Variants in ARHGAP24 observed in about 807,000 individuals in gnomAD.
The protein encoded by ARHGAP24 is Rho GTPase activating protein 24.
Under a neutral mutation model 76.4 loss-of-function variants are expected in ARHGAP24, and 50 were observed. That is an observed-to-expected ratio of 0.65 (90% confidence interval 0.52 to 0.83). The LOEUF is 0.83. Ranked by LOEUF, ARHGAP24 falls within the 40% of genes least tolerant of loss-of-function variation. ARHGAP24 has a pLI of 0.00. For missense variants in ARHGAP24, 930 were observed against 914.2 expected (o/e 1.02, Z -0.22); for synonymous variants, 345 against 323.3 (o/e 1.07, Z -0.72).
intron 3 of ARHGAP24, among the ~76,000 whole-genome samples, chr4:85,868,075 A>T (rs1217181635): frequency 6.6e-6 from 1 of 151,946 alleles, no homozygotes; most frequent in Non-Finnish European, 1.5e-5. Context: ...TATACACTTT[A>T]GGGAGACAAA....
At chr4:85,842,206 G>A (rs1007483887) in intron 3 of ARHGAP24, among the ~76,000 whole-genome samples, 8 of 152,190 alleles carry the variant, frequency 5.3e-5, no homozygotes, top group Non-Finnish European at 1.0e-4. Flanking sequence ...GGCTGAATGG[G>A]AAGTAGTAGA....
chr4:85,991,403 A>G (rs1449731122), intron 8 of ARHGAP24: 1 of 152,158 alleles, frequency 6.6e-6, no homozygotes, highest in African/African-American at 2.4e-5. Flanking sequence ...CAAGGCTTGC[A>G]GCCACATGTT....
At chr4:85,591,031 GTTTTTTTTTTTTTTT>G (rs35373441) in intron 2 of ARHGAP24, among the ~76,000 whole-genome samples, 4 of 62,610 alleles carry the variant, frequency 6.4e-5, no homozygotes, top group African/African-American at 1.4e-4. Flanking sequence ...AATCTGCTGG[GTTTTTTTTTTTTTTT>G]TTTTTTTTTT....
At chr4:85,598,784 T>G (rs1719929544) in intron 2 of ARHGAP24, among the ~76,000 whole-genome samples, 1 of 150,714 alleles carries the variant, frequency 6.6e-6, no homozygotes, top group Non-Finnish European at 1.5e-5. Flanking sequence ...GTCAAATAAG[T>G]AATTGCAGAC....
intron 1 of ARHGAP24, among the ~76,000 whole-genome samples, chr4:85,499,711 G>A (rs769933292): frequency 2.0e-5 from 3 of 152,108 alleles, no homozygotes; most frequent in Non-Finnish European, 2.9e-5. Flanking sequence ...GAAACATTTG[G>A]CTTAAAGATG....
chr4:85,890,565 C>T (rs972618826), intron 3 of ARHGAP24, among the ~76,000 whole-genome samples: 55 of 152,146 alleles, frequency 3.6e-4, no homozygotes, highest in Non-Finnish European at 7.4e-4. Context: ...AAATCTCAAC[C>T]TCAGTCTTTA....
At chr4:85,937,000 T>C (rs879296441) in intron 4 of ARHGAP24, among the ~76,000 whole-genome samples, 2 of 152,120 alleles carry the variant, frequency 1.3e-5, no homozygotes, top group African/African-American at 4.8e-5. Flanking sequence ...TGAGATCAGC[T>C]TGTGGGGATT....
At chr4:85,671,678 T>C (rs28711946) in intron 2 of ARHGAP24, among the ~76,000 whole-genome samples, 15,443 of 152,188 alleles carry the variant, frequency 0.1, 2,642 homozygotes, top group African/African-American at 0.35. Flanking sequence ...TTTTTATGTA[T>C]CCAGTATATT....
At chr4:85,516,680 GT>G (rs1258412869) in intron 1 of ARHGAP24, among the ~76,000 whole-genome samples, 2 of 59,570 alleles carry the variant, frequency 3.4e-5, no homozygotes, top group African/African-American at 4.2e-5. Context: ...ATCTATTAAA[GT>G]TTTAAAGATT....
At chr4:85,679,035 A>G (rs1044788914) in intron 2 of ARHGAP24, among the ~76,000 whole-genome samples, 1 of 152,190 alleles carries the variant, frequency 6.6e-6, no homozygotes, top group Admixed American at 6.5e-5. Context: ...ATAAGAACTC[A>G]AAGAAAGGCA....
intron 3 of ARHGAP24, among the ~76,000 whole-genome samples, chr4:85,827,195 G>T (rs1392433526): frequency 1.3e-5 from 2 of 152,106 alleles, no homozygotes; most frequent in Non-Finnish European, 2.9e-5. Flanking sequence ...AATTGATTCT[G>T]TCAGCTCTGA....
chr4:85,968,396 G>C (rs1462405958), intron 5 of ARHGAP24, among the ~76,000 whole-genome samples: 1 of 152,122 alleles, frequency 6.6e-6, no homozygotes, highest in Non-Finnish European at 1.5e-5. Context: ...AGACTGAAAT[G>C]TATTTCTCTG....
chr4:85,901,034 T>C (rs1325506954), intron 3 of ARHGAP24, among the ~76,000 whole-genome samples: 1 of 152,202 alleles, frequency 6.6e-6, no homozygotes, highest in Non-Finnish European at 1.5e-5. Flanking sequence ...AACTGTGAAG[T>C]GATACATACA....
At chr4:85,902,982 G>A (rs376318424) in intron 3 of ARHGAP24, among the ~76,000 whole-genome samples, 5 of 152,154 alleles carry the variant, frequency 3.3e-5, no homozygotes, top group Non-Finnish European at 7.3e-5. Context: ...TTTGGTAAAG[G>A]TATTAACTGT....
intron 2 of ARHGAP24, among the ~76,000 whole-genome samples, chr4:85,691,815 GT>G (rs1204259856): frequency 6.6e-6 from 1 of 152,152 alleles, no homozygotes; most frequent in Non-Finnish European, 1.5e-5. Context: ...TGTCTTTTAA[GT>G]GGGGCATTTT....
At chr4:85,676,968 T>C (rs1050985219) in intron 2 of ARHGAP24, among the ~76,000 whole-genome samples, 4 of 152,146 alleles carry the variant, frequency 2.6e-5, no homozygotes, top group Non-Finnish European at 4.4e-5. Context: ...AGCCACTGCC[T>C]TCCTGAGGCT....
chr4:85,984,004 G>A (rs373389499), intron 8 of ARHGAP24, among the ~76,000 whole-genome samples: 8 of 152,134 alleles, frequency 5.3e-5, no homozygotes, highest in South Asian at 2.1e-4. Flanking sequence ...GTAAGCCTGC[G>A]AATGCAAAGA....
chr4:85,562,294 G>A (rs978299486), intron 1 of ARHGAP24, among the ~76,000 whole-genome samples: 3 of 152,182 alleles, frequency 2.0e-5, no homozygotes, highest in Admixed American at 2.0e-4. Context: ...ATCAAGGAAA[G>A]CGATGTGATT....
intron 2 of ARHGAP24, among the ~76,000 whole-genome samples, chr4:85,678,663 A>T (rs1333995602): frequency 6.6e-6 from 1 of 152,212 alleles, no homozygotes; most frequent in East Asian, 1.9e-4. Context: ...AATGTATCAG[A>T]CTACAAACAG....
Sources: allele counts gnomAD v4.1 joint callset (sites outside exome capture counted in the v4.1 genomes callset), GRCh38; gene constraint gnomAD v4.1.1; transcripts MANE v1.5; gene names NCBI Gene and HGNC (gene_info 2026-07-23, HGNC 2026-07-21).